Variants in AUTS2 observed in about 807,000 individuals in gnomAD.
AUTS2 encodes the protein activator of transcription and developmental regulator AUTS2.
A neutral mutation model predicts 112.4 loss-of-function variants in AUTS2; 17 were observed. The observed-to-expected ratio is 0.15, with a 90% CI of 0.10 to 0.23. AUTS2 has a LOEUF of 0.23. AUTS2 is among the 10% of genes least tolerant of loss of function. The pLI is 1.00. For missense variants in AUTS2, 1,510 were observed against 1,701.6 expected (o/e 0.89, Z 1.98); for synonymous variants, 751 against 702.7 (o/e 1.07, Z -1.09).
intron 1 of AUTS2, among the ~76,000 whole-genome samples, chr7:69,671,321 G>A (rs560008801): frequency 1.3e-5 from 2 of 152,170 alleles, no homozygotes; most frequent in South Asian, 2.1e-4. Flanking sequence ...AATCTGTTCC[G>A]TCTTCTGTAG....
intron 5 of AUTS2, among the ~76,000 whole-genome samples, chr7:70,613,161 C>G (rs1359346674): frequency 6.6e-6 from 1 of 151,854 alleles, no homozygotes. Context: ...TCATTTGGAG[C>G]TGCTCATTAA....
At chr7:70,063,265 T>G (rs937960606) in intron 2 of AUTS2, among the ~76,000 whole-genome samples, 1 of 152,004 alleles carries the variant, frequency 6.6e-6, no homozygotes, top group African/African-American at 2.4e-5. Flanking sequence ...GGTTTTGTTT[T>G]TTTTTTTTTC....
chr7:70,429,590 G>A (rs1795568037), intron 4 of AUTS2, among the ~76,000 whole-genome samples: 1 of 152,212 alleles, frequency 6.6e-6, no homozygotes, highest in African/African-American at 2.4e-5. Flanking sequence ...ATGCGAGGAT[G>A]CCAACCAGGG....
In AUTS2 at chr7:70,540,824, G is replaced by C. The variant is rs151224068; in HGVS notation, c.690+105043G>C. ...GGTAGGTGACTTCATTAGCATGACA[G>C]AACGTCAGAGTTGATTAGCACTCAG... On this transcript the variant is annotated intron_variant, in intron 5 of 18. Coordinates refer to ENST00000342771, the MANE Select transcript of AUTS2 (RefSeq NM_015570.4). Among the ~76,000 whole-genome samples, 65 of 152,300 alleles carry C rather than the reference G, an allele frequency of 4.3e-4. 1 individual carries two copies. Among genetic ancestry groups the C allele is most frequent in the African/African-American group, 1.4e-3 (57 of 41,558 alleles).
Position 70,679,056 on chromosome 7 carries a change from T to C in AUTS2, c.691-19513T>C, listed in dbSNP as rs115085034. On this transcript the variant is annotated intron_variant, in intron 5 of 18. Transcript: ENST00000342771. Reference sequence around the variant, plus strand: ...AGATGAATAAATAGACCCTGCATGGTATATGTAATCATATACCAAGCATAA... The same window carrying C: ...AGATGAATAAATAGACCCTGCATGGCATATGTAATCATATACCAAGCATAA... 5.9e-3 allele frequency among the ~76,000 whole-genome samples: 903 copies of C among 152,278 alleles called. 3 individuals are homozygous for C. Among genetic ancestry groups the C allele is most frequent in the African/African-American group, 0.021 (853 of 41,536 alleles).
chr7:70,319,913 T>C (rs1170645950), intron 4 of AUTS2, among the ~76,000 whole-genome samples: 1 of 152,190 alleles, frequency 6.6e-6, no homozygotes, highest in Non-Finnish European at 1.5e-5. Flanking sequence ...AATGAATGAA[T>C]GAGTGAATGA....
chr7:70,125,285 G>T (rs991791154), intron 3 of AUTS2, among the ~76,000 whole-genome samples: 7 of 141,668 alleles, frequency 4.9e-5, no homozygotes, highest in South Asian at 2.3e-4. Flanking sequence ...GTGTGTGTGT[G>T]TTTTTAATGT....
intron 4 of AUTS2, among the ~76,000 whole-genome samples, chr7:70,286,911 G>T (rs535560341): frequency 3.3e-5 from 5 of 152,074 alleles, no homozygotes; most frequent in African/African-American, 1.2e-4. Flanking sequence ...TTTGCTGAAC[G>T]GAACTTTGAT....
rs1325029283 is a variant in AUTS2, at chr7:70,674,012, A to T, written c.691-24557A>T. On this transcript the variant is annotated intron_variant, in intron 5 of 18. Coordinates refer to ENST00000342771, the MANE Select transcript of AUTS2 (RefSeq NM_015570.4). ...GATCTCATGTAATCAAGCCGGCTTTATGAGGTAGGAGGGGATCTGAACCTG... is the reference window on the plus strand; with the variant it reads ...GATCTCATGTAATCAAGCCGGCTTTTTGAGGTAGGAGGGGATCTGAACCTG... Among the ~76,000 whole-genome samples, 3 of 152,148 alleles carry T rather than the reference A, an allele frequency of 2.0e-5. No homozygotes were observed. The East Asian group carries it at 5.8e-4, about 30-fold the overall frequency.
intron 2 of AUTS2, among the ~76,000 whole-genome samples, chr7:70,086,640 C>CAAA (rs71068015): frequency 3.0e-4 from 25 of 83,450 alleles, no homozygotes; most frequent in Middle Eastern, 6.7e-3. Context: ...GACTCCATCT[C>CAAA]AAAAAAAAAA....
chr7:69,672,834 T>G (rs1796398810), intron 1 of AUTS2, among the ~76,000 whole-genome samples: 1 of 152,226 alleles, frequency 6.6e-6, no homozygotes, highest in Non-Finnish European at 1.5e-5. Context: ...GTTCAAGGAT[T>G]AGACACATGA....
At chr7:70,773,979 T>C in intron 11 of AUTS2, 49 bp from the exon 12 acceptor site, 1 of 1,558,268 alleles carries the variant, frequency 6.4e-7, no homozygotes, top group Non-Finnish European at 8.9e-7. Context: ...TGCTTTCATG[T>C]CACCTGTTTT....
chr7:70,621,838 CTTTTTTTTTTTTTT>C (rs67123941), intron 5 of AUTS2, among the ~76,000 whole-genome samples: 10 of 66,788 alleles, frequency 1.5e-4, no homozygotes, highest in African/African-American at 4.3e-4. Context: ...TAGTCATTCT[CTTTTTTTTTTTTTT>C]TTTTTTTTTT....
chr7:69,724,410 A>G (rs2129220664), intron 1 of AUTS2, among the ~76,000 whole-genome samples: 1 of 152,244 alleles, frequency 6.6e-6, no homozygotes, highest in African/African-American at 2.4e-5. Context: ...ACATTTCATC[A>G]TTGGACTTTT....
intron 5 of AUTS2, among the ~76,000 whole-genome samples, chr7:70,614,286 T>C (rs1437428106): frequency 6.7e-6 from 1 of 149,386 alleles, no homozygotes; most frequent in African/African-American, 2.5e-5. Flanking sequence ...AAAATTTAAA[T>C]TACTTTTTTT....
chr7:69,764,869 G>A (rs1788352456), intron 1 of AUTS2, among the ~76,000 whole-genome samples: 1 of 152,188 alleles, frequency 6.6e-6, no homozygotes, highest in African/African-American at 2.4e-5. Context: ...TAAAGAAAAA[G>A]TTTTGGCCCT....
intron 2 of AUTS2, among the ~76,000 whole-genome samples, chr7:69,958,376 T>G (rs11761141): frequency 0.36 from 55,442 of 152,026 alleles, 10,651 homozygotes; most frequent in African/African-American, 0.48. Flanking sequence ...TACTCTAGAA[T>G]ATAAATCAGG....
At chr7:70,001,018 C>G (rs1799168247) in intron 2 of AUTS2, among the ~76,000 whole-genome samples, 1 of 152,122 alleles carries the variant, frequency 6.6e-6, no homozygotes, top group African/African-American at 2.4e-5. Flanking sequence ...TAAGCTTGGG[C>G]TTTTAGATCC....
intron 1 of AUTS2, among the ~76,000 whole-genome samples, chr7:69,799,044 A>G (rs1789970043): frequency 6.6e-6 from 1 of 151,762 alleles, no homozygotes; most frequent in African/African-American, 2.4e-5. Flanking sequence ...CAATAAGGCT[A>G]GAGAGAAAAA....
Sources: gnomAD v4.1 joint callset for allele counts (sites outside exome capture counted in the v4.1 genomes callset) on GRCh38, gnomAD v4.1.1 for gene constraint, MANE v1.5 for transcripts, NCBI Gene and HGNC (gene_info 2026-07-23, HGNC 2026-07-21) for gene names.